VWA3A: variants seen among roughly 807,000 people sequenced by gnomAD.
VWA3A encodes von Willebrand factor A domain-containing protein 3A.
Under a neutral mutation model 160.4 loss-of-function variants are expected in VWA3A, and 134 were observed. That is an observed-to-expected ratio of 0.84 (90% CI 0.73 to 0.96). The LOEUF is 0.96. Ranked by LOEUF, VWA3A falls within the 40% of genes least tolerant of loss-of-function variation. VWA3A has a pLI of 0.00. For missense variants in VWA3A, 1,310 were observed against 1,447.9 expected, an observed-to-expected ratio of 0.90 and a Z score of 1.55; for synonymous variants, 476 against 543.4, an observed-to-expected ratio of 0.88 and a Z score of 1.72.
At chr16:22,110,060 A>G (rs2045531616) in intron 7 of VWA3A, among the ~76,000 whole-genome samples, 1 of 152,246 alleles carries the variant, frequency 6.6e-6, no homozygotes, top group African/African-American at 2.4e-5. Context: ...AACTAGAGTC[A>G]GATGGCTGGA....
At chr16:22,137,474 C>G (rs1293748689) in intron 21 of VWA3A, among the ~76,000 whole-genome samples, 1 of 152,208 alleles carries the variant, frequency 6.6e-6, no homozygotes, top group Non-Finnish European at 1.5e-5. Flanking sequence ...TCTCTACACA[C>G]TGATAAGGTG....
intron 9 of VWA3A, 45 bp downstream of exon 9, chr16:22,115,517 C>G: frequency 6.4e-7 from 1 of 1,553,002 alleles, no homozygotes; most frequent in East Asian, 2.3e-5. Context: ...ATGAAAAGGA[C>G]TGAAAAACCA....
At position 22,148,234 on chromosome 16, in the gene VWA3A, G is replaced by T. The variant is rs746090386; in HGVS notation, c.2912G>T (p.Gly971Val). ...CILLDTSGSMGPYLQQVKTEL... is the reference protein window; with the variant it reads ...CILLDTSGSMVPYLQQVKTEL... The stretch of plus-strand genomic sequence containing the variant: ...TTGCTGGACACGTCAGGGTCCATGG[G>T]CCCCTACCTGCAGCAGGTGAAGACA... The change falls in exon 28 of 34, where the codon GGC becomes GTC. Residue 971 changes from glycine (G) to valine (V), a missense_variant. Transcript: ENST00000389398. The T allele has an allele frequency of 1.9e-6, 3 of 1,599,218 alleles. No individual in the cohort carries two copies. The highest frequency in any genetic ancestry group is 2.6e-6 in the Non-Finnish European group (3 of 1,173,194).
intron 30 of VWA3A, among the ~76,000 whole-genome samples, chr16:22,151,152 C>T (rs572120683): frequency 2.0e-5 from 3 of 151,970 alleles, no homozygotes; most frequent in African/African-American, 4.8e-5. Flanking sequence ...TGGTGGTAGG[C>T]GCCTGTAATC....
rs144037404 is a variant in VWA3A, at chr16:22,105,688, G to A, written c.483+2159G>A. Among the ~76,000 whole-genome samples the A allele has an allele frequency of 5.9e-5, 9 of 152,288 alleles. No individual in the cohort carries two copies. The East Asian group carries it at 1.7e-3, about 29-fold the overall frequency. ...TTACCAGGCTCCAATTGCCTCTTAT[G>A]TACTTGTCCAGTTATTTCTATGGAA... is the stretch of plus-strand genomic sequence containing the variant. On this transcript the variant is annotated intron_variant, in intron 6 of 33. Coordinates refer to ENST00000389398, the MANE Select transcript of VWA3A (RefSeq NM_173615.5).
chr16:22,150,770 G>A lies in VWA3A; in HGVS notation c.3205G>A (p.Val1069Ile), dbSNP rs746694274. The change falls in exon 30 of 34, where the codon GTC (valine) becomes ATC (isoleucine). Residue 1069 changes from valine (V) to isoleucine (I), a missense_variant. Transcript: ENST00000389398. Reference sequence around the variant, plus strand: ...AAAGCCAGACACAAGCTGCAGCCTTGTCCTAAATGAAGTCCAAAAACTCAG... The same window carrying A: ...AAAGCCAGACACAAGCTGCAGCCTTATCCTAAATGAAGTCCAAAAACTCAG... The part of the protein sequence containing the change: ...DGKPDTSCSL[V>I]LNEVQKLREK... 1.2e-6 allele frequency: 2 copies of A among 1,613,200 alleles called. No homozygotes were observed. The highest frequency in any genetic ancestry group is 4.5e-5 in the East Asian group (2 of 44,872).
At chr16:22,151,002 G>A (rs867650486) in intron 30 of VWA3A, among the ~76,000 whole-genome samples, 156 bp downstream of exon 30, 2 of 152,146 alleles carry the variant, frequency 1.3e-5, no homozygotes, top group African/African-American at 2.4e-5. Context: ...AGAAGCGGCC[G>A]GGCATGCTGG....
At chr16:22,136,453 C>T (rs751017809) in intron 21 of VWA3A, among the ~76,000 whole-genome samples, 2 of 152,064 alleles carry the variant, frequency 1.3e-5, no homozygotes, top group Non-Finnish European at 2.9e-5. Flanking sequence ...TGGGAAAAGA[C>T]ATGGCTGGAG....
chr16:22,104,561 C>T (rs1399244907), intron 6 of VWA3A, among the ~76,000 whole-genome samples: 1 of 152,110 alleles, frequency 6.6e-6, no homozygotes, highest in African/African-American at 2.4e-5. Context: ...CACCTGTAGT[C>T]CCAGCTACTT....
chr16:22,138,319 A>G, intron 21 of VWA3A, 41 bp from the exon 22 acceptor site: 2 of 1,548,214 alleles, frequency 1.3e-6, no homozygotes, highest in East Asian at 2.4e-5. Context: ...GTGTGTCCAC[A>G]GTGGCTGGGG....
At chr16:22,137,975 T>A (rs926116467) in intron 21 of VWA3A, among the ~76,000 whole-genome samples, 1 of 152,212 alleles carries the variant, frequency 6.6e-6, no homozygotes, top group African/African-American at 2.4e-5. Context: ...TGATCAGGGC[T>A]TCATGATAAC....
intron 26 of VWA3A, among the ~76,000 whole-genome samples, chr16:22,145,133 T>C (rs982372863): frequency 3.9e-5 from 6 of 152,102 alleles, no homozygotes; most frequent in Non-Finnish European, 8.8e-5. Context: ...GTAAATTTAG[T>C]ACAGAATGAA....
At chr16:22,100,869 A>G (rs570144816) in intron 5 of VWA3A, among the ~76,000 whole-genome samples, 59 of 150,696 alleles carry the variant, frequency 3.9e-4, no homozygotes, top group African/African-American at 1.4e-3. Context: ...AGGAAAAAGA[A>G]AAAGAAAGAA....
intron 11 of VWA3A, 26 bp downstream of exon 11, chr16:22,117,202 C>A (rs772356212): frequency 6.4e-7 from 1 of 1,563,890 alleles, no homozygotes; most frequent in South Asian, 1.2e-5. Context: ...AACACATGGC[C>A]CCTCTTCTTC....
rs746147752 is a variant in VWA3A at position 22,126,182 on chromosome 16, G to T, written c.1537G>T (p.Val513Phe). 1.9e-6 allele frequency: 3 copies of T among 1,613,654 alleles called. No homozygotes were observed. In the South Asian group the frequency reaches 3.3e-5, roughly 18 times the overall value. ...AAAGCTCGTGTTTCCTTTTAGGGTG[G>T]TTGTACTGCTCGATATCTCTGCGAC... ...IWGTVCEKRV[V>F]VLLDISATNS... The change falls in exon 17 of 34, where the codon GTT (valine) becomes TTT (phenylalanine). Residue 513 changes from valine to phenylalanine, a missense_variant. Coordinates refer to ENST00000389398, the MANE Select transcript of VWA3A (RefSeq NM_173615.5).
At chr16:22,141,857 T>C (rs1383012573) in intron 24 of VWA3A, among the ~76,000 whole-genome samples, 165 bp downstream of exon 24, 1 of 152,136 alleles carries the variant, frequency 6.6e-6, no homozygotes, top group Non-Finnish European at 1.5e-5. Flanking sequence ...CCCTGGGAAA[T>C]GGACATGCAA....
At position 22,155,813 on chromosome 16, in the gene VWA3A, A is replaced by C. The variant is rs751514648; in HGVS notation, c.3504-38A>C. On this transcript the variant is annotated intron_variant, in intron 32 of 33. Coordinates refer to ENST00000389398, the MANE Select transcript of VWA3A (RefSeq NM_173615.5). ...TCCCAGCCAGCCCAGAAATCTGGGCACCAGGGAGACCATCTTTCTTCATCT... is the reference window on the plus strand; with the variant it reads ...TCCCAGCCAGCCCAGAAATCTGGGCCCCAGGGAGACCATCTTTCTTCATCT... The C allele has an allele frequency of 8.7e-6, 14 of 1,613,600 alleles. No individual in the cohort carries two copies. The South Asian group carries it at 1.2e-4, about 14-fold the overall frequency.
Position 22,146,340 on chromosome 16 carries a change from G to A in VWA3A, c.2835G>A (p.Leu945=). The A allele has an allele frequency of 2.5e-6, 4 of 1,612,586 alleles. No individual in the cohort carries two copies. The highest frequency in any genetic ancestry group is 2.5e-6 in the Non-Finnish European group (3 of 1,179,120). ...RRYVQRLQWL[L]SGSRRLFGTV... ...ATGTCCAGAGGCTGCAGTGGCTGCTGTCCGGTGAGCCTGCCCACTGCCCTG... is the reference window on the plus strand; with the variant it reads ...ATGTCCAGAGGCTGCAGTGGCTGCTATCCGGTGAGCCTGCCCACTGCCCTG... Residue 945 remains leucine (L), a synonymous_variant, in exon 27 of 34, where the codon CTG becomes CTA. Transcript: ENST00000389398.
At chr16:22,107,146 T>C (rs1232583720) in intron 6 of VWA3A, among the ~76,000 whole-genome samples, 1 of 152,158 alleles carries the variant, frequency 6.6e-6, no homozygotes, top group Non-Finnish European at 1.5e-5. Flanking sequence ...CAGATGGTAT[T>C]CAAAGTCATG....
Sources: gnomAD v4.1 joint callset for allele counts (sites outside exome capture counted in the v4.1 genomes callset) on GRCh38, gnomAD v4.1.1 for gene constraint, MANE v1.5 for transcripts, NCBI Gene and HGNC (gene_info 2026-07-23, HGNC 2026-07-21) for gene names.